KCNIP4: variants seen among roughly 807,000 people sequenced by gnomAD.
The protein encoded by KCNIP4 is potassium voltage-gated channel interacting protein 4.
A neutral mutation model predicts 34.0 loss-of-function variants in KCNIP4; 12 were observed. That is an observed-to-expected ratio of 0.35 (90% CI 0.23 to 0.57). The LOEUF (loss-of-function observed/expected upper bound fraction) is 0.57. Among genes scored for constraint, KCNIP4 ranks in the 20% least tolerant of loss-of-function variants. KCNIP4 has a pLI of 0.83. For synonymous variants in KCNIP4, 124 were observed against 102.2 expected, an observed-to-expected ratio of 1.21 and a Z score of -1.29; for missense variants, 238 against 311.7, an observed-to-expected ratio of 0.76 and a Z score of 1.78.
chr4:21,087,173 T>TGTGA, intron 1 of KCNIP4, among the ~76,000 whole-genome samples: 1 of 148,718 alleles, frequency 6.7e-6, no homozygotes, highest in Non-Finnish European at 1.5e-5. Context: ...TGTGTGTGTG[T>TGTGA]GTGTGTGTGT....
intron 1 of KCNIP4, among the ~76,000 whole-genome samples, chr4:21,911,709 ATAGCAGGGTCCT>A (rs1728344834): frequency 6.6e-6 from 1 of 151,470 alleles, no homozygotes; most frequent in Non-Finnish European, 1.5e-5. Context: ...ATCATCAGCA[ATAGCAGGGTCCT>A]TTAGTACTTG....
At chr4:21,489,242 A>G (rs1212554695) in intron 1 of KCNIP4, among the ~76,000 whole-genome samples, 1 of 151,354 alleles carries the variant, frequency 6.6e-6, no homozygotes, top group Non-Finnish European at 1.5e-5. Flanking sequence ...ATAACTCAGT[A>G]CTTTTGTATC....
chr4:21,528,740 AAAG>A lies in KCNIP4; in HGVS notation c.61+419828_61+419830del, dbSNP rs1736280016. Among the ~76,000 whole-genome samples the A allele has an allele frequency of 8.6e-4, 11 of 12,734 alleles. 1 individual carries two copies. The highest frequency in any genetic ancestry group is 4.2e-3 in the African/African-American group (11 of 2,610). The allele number at this position is 12,734 out of a possible 152,430, so 8.4% of individuals were successfully genotyped here. On this transcript the variant is annotated intron_variant, in intron 1 of 8. Coordinates refer to ENST00000382152, the MANE Select transcript of KCNIP4 (RefSeq NM_025221.6). The stretch of plus-strand genomic sequence containing the variant: ...GAAAGAAAGAAAGAAAGAAAGAAAG[AAAG>A]AAAGAAAGAAAGAAAGAAAGAAAGA...
At chr4:21,740,231 A>C (rs1716302499) in intron 1 of KCNIP4, among the ~76,000 whole-genome samples, 1 of 152,250 alleles carries the variant, frequency 6.6e-6, no homozygotes, top group African/African-American at 2.4e-5. Context: ...TATGGTTTTC[A>C]ATACTTAAAT....
At chr4:21,310,250 G>A (rs1006824526) in intron 1 of KCNIP4, among the ~76,000 whole-genome samples, 1 of 152,026 alleles carries the variant, frequency 6.6e-6, no homozygotes, top group Non-Finnish European at 1.5e-5. Context: ...GGGCTAGGCT[G>A]GTCTTGAACT....
rs1714659562 is a variant in KCNIP4 at position 20,803,688 on chromosome 4, GGAGAGAGAGAGAGAAAGAGA to G, written c.289-44818_289-44799del. ...AAGAGAAAGAAAGAGAGAAAGAGAG[GGAGAGAGAGAGAGAAAGAGA>G]GAGAGAGAGAGAGAGAGAGAGGAAG... is the stretch of plus-strand genomic sequence containing the variant. On this transcript the variant is annotated intron_variant, in intron 3 of 8. Coordinates refer to ENST00000382152, the MANE Select transcript of KCNIP4 (RefSeq NM_025221.6). Among the ~76,000 whole-genome samples the G allele has an allele frequency of 6.9e-5, 7 of 100,880 alleles. No individual in the cohort carries two copies. In the South Asian group the frequency reaches 3.4e-3, roughly 48 times the overall value. 66.2% of individuals were successfully genotyped at this position (100,880 alleles called of 152,430 possible).
intron 1 of KCNIP4, among the ~76,000 whole-genome samples, chr4:21,128,514 G>C (rs1750801733): frequency 6.6e-6 from 1 of 152,106 alleles, no homozygotes; most frequent in South Asian, 2.1e-4. Flanking sequence ...CCCTGAAATG[G>C]TTTGCCTCCA....
intron 1 of KCNIP4, among the ~76,000 whole-genome samples, chr4:20,937,222 C>CTTTTTTTTTTTT (rs397992488): frequency 6.6e-5 from 3 of 45,522 alleles, no homozygotes; most frequent in Non-Finnish European, 1.3e-4. Context: ...CCCAAGGAGT[C>CTTTTTTTTTTTT]TTTTTTTTTT....
intron 1 of KCNIP4, among the ~76,000 whole-genome samples, chr4:21,064,534 A>G (rs1267677942): frequency 1.3e-5 from 2 of 152,162 alleles, no homozygotes; most frequent in African/African-American, 4.8e-5. Flanking sequence ...TAAGTGGTTT[A>G]CCATTTATGC....
At chr4:21,191,458 C>G (rs562302217) in intron 1 of KCNIP4, among the ~76,000 whole-genome samples, 1 of 152,176 alleles carries the variant, frequency 6.6e-6, no homozygotes, top group Non-Finnish European at 1.5e-5. Context: ...CAAAACCGCA[C>G]ACCAAGCCCT....
At chr4:21,301,819 A>C (rs1248444728) in intron 1 of KCNIP4, among the ~76,000 whole-genome samples, 1 of 152,158 alleles carries the variant, frequency 6.6e-6, no homozygotes, top group Non-Finnish European at 1.5e-5. Context: ...CTAGCAAAGT[A>C]TTTAGTCAAA....
intron 1 of KCNIP4, among the ~76,000 whole-genome samples, chr4:21,229,391 A>G (rs1758635210): frequency 6.6e-6 from 1 of 152,040 alleles, no homozygotes; most frequent in African/African-American, 2.4e-5. Context: ...TAGGCACATC[A>G]CTTATCATCC....
intron 3 of KCNIP4, among the ~76,000 whole-genome samples, chr4:20,838,049 G>A (rs1419132468): frequency 6.6e-6 from 1 of 152,040 alleles, no homozygotes; most frequent in Non-Finnish European, 1.5e-5. Context: ...GAGTAATGCT[G>A]TTAAAGTTGA....
At chr4:21,064,976 T>C in intron 1 of KCNIP4, among the ~76,000 whole-genome samples, 1 of 152,222 alleles carries the variant, frequency 6.6e-6, no homozygotes, top group East Asian at 1.9e-4. Context: ...ATATTTAATA[T>C]TAAATACATT....
intron 1 of KCNIP4, among the ~76,000 whole-genome samples, chr4:21,104,199 C>G (rs575545569): frequency 2.0e-5 from 3 of 151,898 alleles, no homozygotes; most frequent in African/African-American, 2.4e-5. Context: ...AACTAGTTTA[C>G]AGTCCCACCA....
chr4:21,913,577 C>G (rs1728460580), intron 1 of KCNIP4, among the ~76,000 whole-genome samples: 1 of 152,028 alleles, frequency 6.6e-6, no homozygotes, highest in Admixed American at 6.6e-5. Context: ...TTTGTTATAG[C>G]CACACAGACA....
Position 21,236,999 on chromosome 4 carries a change from C to T in KCNIP4, c.62-354290G>A, listed in dbSNP as rs1158951445. Among the ~76,000 whole-genome samples the T allele has an allele frequency of 8.9e-5, 13 of 146,848 alleles. 1 individual carries two copies. On this transcript the variant is annotated intron_variant, in intron 1 of 8. Transcript: ENST00000382152. The stretch of plus-strand genomic sequence containing the variant: ...CCAGCCTGGGTGACAGAGGGAGACT[C>T]CATCATGGAAAAAAAAAAAAAAGAT...
chr4:21,783,349 A>G (rs1034136146), intron 1 of KCNIP4, among the ~76,000 whole-genome samples: 1 of 152,166 alleles, frequency 6.6e-6, no homozygotes, highest in African/African-American at 2.4e-5. Context: ...CAAGGATCCC[A>G]GAAATGAGAA....
rs576139975 is a variant in KCNIP4, at chr4:21,703,454, A to G, written c.61+245117T>C. On this transcript the variant is annotated intron_variant, in intron 1 of 8. Coordinates refer to ENST00000382152, the MANE Select transcript of KCNIP4 (RefSeq NM_025221.6). ...TGGAAACCATCATTCTCAGCAAACT[A>G]TCGCAAGGACAAAAAACCAAACACC... Among the ~76,000 whole-genome samples, 12 of 152,278 alleles carry G rather than the reference A, an allele frequency of 7.9e-5. No homozygotes were observed. The South Asian group carries it at 2.5e-3, about 32-fold the overall frequency.
Sources: gnomAD v4.1 joint callset for allele counts (sites outside exome capture counted in the v4.1 genomes callset) on GRCh38, gnomAD v4.1.1 for gene constraint, MANE v1.5 for transcripts, NCBI Gene and HGNC (gene_info 2026-07-23, HGNC 2026-07-21) for gene names.